NBPF20: variants seen among roughly 807,000 people sequenced by gnomAD.
NBPF20 encodes NBPF family member NBPF20.
A neutral mutation model predicts 68.1 loss-of-function variants in NBPF20; 90 were observed. The observed-to-expected ratio is 1.32, with a 90% CI of 1.11 to 1.58. The LOEUF (loss-of-function observed/expected upper bound fraction) is 1.58, where lower values mean the gene tolerates loss of function less well. NBPF20 is among the 40% of genes most tolerant of loss of function. NBPF20 has a pLI of 0.00. For synonymous variants in NBPF20, 290 were observed against 228.1 expected (o/e 1.27, Z -2.45); for missense variants, 816 against 601.2 (o/e 1.36, Z -3.74).
In NBPF20 at chr1:145,402,429, T is replaced by G. The variant is rs1345988000; in HGVS notation, c.279-48A>C. Reference sequence around the variant, plus strand: ...ATTTAAGAGTGGAAAGGTTCAGTGATCCGCTCAAATATTGCAACAGAGATT... The same window carrying G: ...ATTTAAGAGTGGAAAGGTTCAGTGAGCCGCTCAAATATTGCAACAGAGATT... On this transcript the variant is annotated intron_variant, in intron 3 of 137. Coordinates refer to ENST00000369373, the Ensembl canonical transcript of NBPF20. 13 of 1,597,508 alleles carry G rather than the reference T, an allele frequency of 8.1e-6. No homozygotes were observed. In the East Asian group the frequency reaches 2.9e-4, roughly 36 times the overall value.
the NBPF20 span, among the ~76,000 whole-genome samples, chr1:145,410,898 CACACGTTT>C: frequency 8.0e-6 from 1 of 125,366 alleles, no homozygotes; most frequent in Non-Finnish European, 1.6e-5. Context: ...CACACACACA[CACACGTTT>C]GTGTGTGTGT....
chr1:145,425,027 C>A, the NBPF20 span, among the ~76,000 whole-genome samples: 14 of 152,086 alleles, frequency 9.2e-5, no homozygotes, highest in Non-Finnish European at 1.6e-4. Flanking sequence ...GGGTGGGGTG[C>A]GGGGTCAGGG....
rs1662472470 is a variant in NBPF20 at position 145,400,542 on chromosome 1, A to C, written c.619T>G (p.Cys207Gly). Residue 207 changes from cysteine to glycine, a missense_variant, in exon 6 of 138, where the codon TGT (cysteine) becomes GGT (glycine). Transcript: ENST00000369373. ...TGGCTATTTGAATAAGTGATGGCAC[A>C]TTCCTCCTGTGAGTCCTCAGGGACT... The C allele has an allele frequency of 3.1e-6, 5 of 1,612,852 alleles. No individual in the cohort carries two copies. The South Asian group carries it at 5.5e-5, about 18-fold the overall frequency.
chr1:145,393,752 G>A lies in NBPF20; in HGVS notation c.1043+132C>T. ...CATGTACTCTAATGAGAACCAGAAAGCAATGTAGTAGGCATAATTCAGACT... is the reference window on the plus strand; with the variant it reads ...CATGTACTCTAATGAGAACCAGAAAACAATGTAGTAGGCATAATTCAGACT... On this transcript the variant is annotated intron_variant, in intron 9 of 137. Coordinates refer to ENST00000369373, the Ensembl canonical transcript of NBPF20. 5.3e-6 allele frequency: 8 copies of A among 1,511,934 alleles called. No homozygotes were observed. The South Asian group carries it at 5.6e-5, about 11-fold the overall frequency. The allele number at this position is 1,511,934 out of a possible 1,614,324, so 93.7% of individuals were successfully genotyped here. A position where few individuals can be genotyped will look rare whatever the true frequency, so the allele number is the denominator to read the frequency against.
At chr1:145,424,791 C>T in the NBPF20 span, among the ~76,000 whole-genome samples, 1 of 152,160 alleles carries the variant, frequency 6.6e-6, no homozygotes, top group African/African-American at 2.4e-5. Context: ...GGAAATCCTG[C>T]GGTGAATTTG....
intron 7 of NBPF20, among the ~76,000 whole-genome samples, chr1:145,397,614 C>T (rs1662320285): frequency 6.6e-6 from 1 of 152,162 alleles, no homozygotes; most frequent in South Asian, 2.1e-4. Flanking sequence ...CAACCGGTAC[C>T]AGCCACTACA....
At chr1:145,411,311 C>T in the NBPF20 span, among the ~76,000 whole-genome samples, 1 of 150,054 alleles carries the variant, frequency 6.7e-6, no homozygotes, top group Non-Finnish European at 1.5e-5. Context: ...TTAGTTCTTT[C>T]ATAATTTCTC....
the NBPF20 span, among the ~76,000 whole-genome samples, chr1:145,412,983 G>GCCCT: frequency 1.8e-5 from 2 of 109,524 alleles, no homozygotes; most frequent in Admixed American, 1.0e-4. Flanking sequence ...GGGCCCCCAT[G>GCCCT]CCCTGTTCAC....
the NBPF20 span, among the ~76,000 whole-genome samples, chr1:145,413,570 G>A: frequency 1.3e-5 from 2 of 151,454 alleles, no homozygotes; most frequent in Admixed American, 1.3e-4. Context: ...TGAGAAAAAT[G>A]ATAAATAATA....
chr1:145,410,969 A>G, the NBPF20 span, among the ~76,000 whole-genome samples: 1 of 143,530 alleles, frequency 7.0e-6, no homozygotes, highest in Non-Finnish European at 1.5e-5. Flanking sequence ...ACATGTGAGT[A>G]TCTATTTCTG....
intron 7 of NBPF20, among the ~76,000 whole-genome samples, chr1:145,398,065 C>A (rs1389816397): frequency 6.6e-6 from 1 of 152,112 alleles, no homozygotes; most frequent in Admixed American, 6.5e-5. Flanking sequence ...TATACAGGAG[C>A]ACCCAGATTC....
chr1:145,404,778 T>C (rs1439444040), intron 2 of NBPF20, among the ~76,000 whole-genome samples: 2 of 151,910 alleles, frequency 1.3e-5, no homozygotes, highest in South Asian at 2.1e-4. Context: ...GTTATTTGTC[T>C]GCAGGATCTT....
At chr1:145,423,904 T>C in the NBPF20 span, among the ~76,000 whole-genome samples, 2 of 151,618 alleles carry the variant, frequency 1.3e-5, no homozygotes, top group Non-Finnish European at 2.9e-5. Flanking sequence ...CTCCTACAAA[T>C]ATACCCCAGT....
intron 137 of NBPF20, among the ~76,000 whole-genome samples, 168 bp from the exon 143 acceptor site, chr1:145,291,937 C>A (rs111825179): frequency 1.3e-5 from 2 of 150,846 alleles, no homozygotes; most frequent in African/African-American, 2.5e-5. Context: ...AGAACAGGGC[C>A]AGGTAGAAAA....
chr1:145,405,400 C>A lies in NBPF20; in HGVS notation c.-36+10G>T, dbSNP rs1662732559. On this transcript the variant is annotated intron_variant, in intron 1 of 137. Coordinates refer to ENST00000369373, the Ensembl canonical transcript of NBPF20. The stretch of plus-strand genomic sequence containing the variant: ...CTGAGGGATGTCAGTAACTGAAATT[C>A]TTACCTTACTGTTGTGAAAAATGTG... The A allele has an allele frequency of 6.4e-7, 1 of 1,551,820 alleles. No homozygotes were observed. The highest frequency in any genetic ancestry group is 1.1e-5 in the South Asian group (1 of 87,280).
chr1:145,291,598 G>A lies in NBPF20; in HGVS notation c.16869C>T (p.Asp5623=), dbSNP rs201083832. Residue 5623 remains aspartate (D), a synonymous_variant, in exon 138 of 138, where the codon GAC becomes GAT. Coordinates refer to ENST00000369373, the Ensembl canonical transcript of NBPF20. ...TCACCGTCAAAGTAAAAAACCTATT[G>A]TCCACGTAAAGGGCGAAGCTGATGT... The A allele has an allele frequency of 5.3e-4, 849 of 1,611,950 alleles. 2 individuals are homozygous for A. The highest frequency in any genetic ancestry group is 2.7e-4 in the Non-Finnish European group (320 of 1,179,850).
the NBPF20 span, among the ~76,000 whole-genome samples, chr1:145,410,698 ATATGTGTGTGTGTG>A: frequency 8.8e-6 from 1 of 113,010 alleles, no homozygotes; most frequent in African/African-American, 3.2e-5. Flanking sequence ...CAATATATAT[ATATGTGTGTGTGTG>A]TGTGTGTGTG....
the NBPF20 span, among the ~76,000 whole-genome samples, chr1:145,419,738 G>A: frequency 6.6e-6 from 1 of 152,140 alleles, no homozygotes; most frequent in African/African-American, 2.4e-5. Flanking sequence ...AATGCCTGCA[G>A]TGGTGGGTTC....
At chr1:145,393,916 C>T (rs1255924381) in exon 9 of NBPF20, 30 of 1,452,704 alleles carry the variant, frequency 2.1e-5, no homozygotes, top group African/African-American at 2.8e-5. Flanking sequence ...CCTCCTTTTT[C>T]ACTTGATCCC....
Sources: allele counts gnomAD v4.1 joint callset (sites outside exome capture counted in the v4.1 genomes callset), GRCh38; gene constraint gnomAD v4.1.1; transcripts MANE v1.5; gene names NCBI Gene and HGNC (gene_info 2026-07-23, HGNC 2026-07-21).